ERCC1: variants seen among roughly 807,000 people sequenced by gnomAD.
ERCC1 encodes ERCC excision repair 1, endonuclease non-catalytic subunit.
Under a neutral mutation model 37.6 loss-of-function variants are expected in ERCC1, and 36 were observed. The observed-to-expected ratio is 0.96, with a 90% CI of 0.73 to 1.26. The LOEUF (loss-of-function observed/expected upper bound fraction) is 1.26. Among genes scored for constraint, ERCC1 ranks in the 50% most tolerant of loss-of-function variants. The pLI is 0.00. For synonymous variants in ERCC1, 156 were observed against 162.1 expected, an observed-to-expected ratio of 0.96 and a Z score of 0.28; for missense variants, 349 against 376.5, an observed-to-expected ratio of 0.93 and a Z score of 0.60.
chr19:45,434,155 C>CAAAAAAA (rs138387403), intron 1 of ERCC1, among the ~76,000 whole-genome samples: 1 of 97,448 alleles, frequency 1.0e-5, no homozygotes, highest in Non-Finnish European at 2.1e-5. Flanking sequence ...CACACACACA[C>CAAAAAAA]AAAAAAAAAA....
At chr19:45,437,301 G>A (rs571007691) in intron 1 of ERCC1, among the ~76,000 whole-genome samples, 4 of 151,938 alleles carry the variant, frequency 2.6e-5, no homozygotes, top group Admixed American at 6.6e-5. Context: ...TATATAATAA[G>A]TAAAAATAAA....
At chr19:45,447,694 GC>G (rs1568603229) in intron 1 of ERCC1, among the ~76,000 whole-genome samples, 1 of 152,020 alleles carries the variant, frequency 6.6e-6, no homozygotes, top group South Asian at 2.1e-4. Context: ...TCCTCTAACT[GC>G]CGCAGAATGA....
chr19:45,423,148 T>C, intron 2 of ERCC1, 122 bp downstream of exon 2: 1 of 926,278 alleles, frequency 1.1e-6, no homozygotes, highest in South Asian at 1.5e-5. Flanking sequence ...AAGGACTGTT[T>C]CCCCAAGTCG....
At chr19:45,445,911 A>G (rs1966926469) in intron 1 of ERCC1, among the ~76,000 whole-genome samples, 1 of 152,112 alleles carries the variant, frequency 6.6e-6, no homozygotes, top group African/African-American at 2.4e-5. Context: ...ATTTTGAGAC[A>G]GAGTTTCTTT....
At chr19:45,447,005 A>T (rs573883592) in intron 1 of ERCC1, among the ~76,000 whole-genome samples, 3 of 152,154 alleles carry the variant, frequency 2.0e-5, no homozygotes, top group East Asian at 3.9e-4. Flanking sequence ...CTAAAAAAAA[A>T]GAAAAGAAAA....
intron 1 of ERCC1, among the ~76,000 whole-genome samples, chr19:45,446,015 A>G (rs1966930260): frequency 6.6e-6 from 1 of 151,844 alleles, no homozygotes; most frequent in African/African-American, 2.4e-5. Context: ...CAGCCTCCCA[A>G]GTAGCTAGGA....
chr19:45,434,420 A>G (rs527948652), intron 1 of ERCC1, among the ~76,000 whole-genome samples: 2 of 151,860 alleles, frequency 1.3e-5, no homozygotes, highest in African/African-American at 4.8e-5. Context: ...GAGCCCAAAA[A>G]TGTCAAGGCT....
At chr19:45,410,051 T>C (rs12983892) in intron 9 of ERCC1, 28,957 of 152,364 alleles carry the variant, frequency 0.19, 2,944 homozygotes, top group Non-Finnish European at 0.22. Flanking sequence ...GCCCAGCTAA[T>C]TTTTTGTATT....
At chr19:45,441,282 G>A (rs1975113178) in intron 1 of ERCC1, among the ~76,000 whole-genome samples, 1 of 152,230 alleles carries the variant, frequency 6.6e-6, no homozygotes, top group Non-Finnish European at 1.5e-5. Context: ...ACTTCCCTGA[G>A]GGTGACAGAG....
chr19:45,413,259 T>C (rs1169201659), intron 9 of ERCC1, among the ~76,000 whole-genome samples: 4 of 152,164 alleles, frequency 2.6e-5, no homozygotes, highest in Admixed American at 2.6e-4. Flanking sequence ...TCTAGTTTCA[T>C]TCTTCCTCAT....
intron 9 of ERCC1, among the ~76,000 whole-genome samples, chr19:45,411,051 T>G (rs1181490970): frequency 6.6e-6 from 1 of 152,182 alleles, no homozygotes; most frequent in Admixed American, 6.5e-5. Flanking sequence ...CTTGAACTTC[T>G]GGCCTCAAGT....
chr19:45,410,118 ACCT>A (rs1236262026), intron 9 of ERCC1: 4 of 154,152 alleles, frequency 2.6e-5, no homozygotes, highest in Admixed American at 6.6e-5. Context: ...CGATCTCCTG[ACCT>A]CCTGATGCGC....
At chr19:45,424,727 C>G (rs3212926), upstream of ERCC1, among the ~76,000 whole-genome samples, 9 of 151,942 alleles carry the variant, frequency 5.9e-5, no homozygotes, top group Non-Finnish European at 1.2e-4. Flanking sequence ...GATTCTGATT[C>G]TAATCCTTAG....
chr19:45,416,300 G>A (rs963214136), intron 6 of ERCC1, among the ~76,000 whole-genome samples: 1 of 152,248 alleles, frequency 6.6e-6, no homozygotes, highest in Admixed American at 6.5e-5. Flanking sequence ...TTTGACAGGA[G>A]GAAAACCAGA....
chr19:45,444,386 G>GT (rs1555792249), intron 1 of ERCC1, among the ~76,000 whole-genome samples: 9 of 143,072 alleles, frequency 6.3e-5, no homozygotes, highest in Admixed American at 5.6e-4. Flanking sequence ...TTCCCAGGCC[G>GT]CCCCCCCGCG....
intron 1 of ERCC1, 102 bp from the exon 2 acceptor site, chr19:45,423,483 A>C: frequency 6.6e-7 from 1 of 1,510,740 alleles, no homozygotes; most frequent in Non-Finnish European, 8.8e-7. Context: ...AAACTCCGAG[A>C]GCTCCATAGC....
intron 9 of ERCC1, among the ~76,000 whole-genome samples, chr19:45,412,127 G>A (rs141880275): frequency 0.015 from 2,319 of 151,760 alleles, 58 homozygotes; most frequent in African/African-American, 0.052. Context: ...CCAAAGTGTT[G>A]GGATTACAGG....
At position 45,409,521 on chromosome 19, in the gene ERCC1, G is replaced by A. The variant is rs1355076475; in HGVS notation, c.*154C>T. The A allele has an allele frequency of 6.3e-7, 1 of 1,589,946 alleles. No individual in the cohort carries two copies. The highest frequency in any genetic ancestry group is 2.3e-5 in the East Asian group (1 of 43,854). ...GTGTAGTCTGCCCCCGGGAAACTGA[G>A]GAACTAAAGAAAGCTGAAGGTGCCC... On this transcript the variant is annotated 3_prime_UTR_variant, in exon 10 of 10. Coordinates refer to ENST00000300853, the MANE Select transcript of ERCC1 (RefSeq NM_001983.4).
intron 1 of ERCC1, 135 bp from the exon 2 acceptor site, chr19:45,423,516 C>G: frequency 6.8e-7 from 1 of 1,471,716 alleles, no homozygotes; most frequent in Non-Finnish European, 9.0e-7. Flanking sequence ...ACACCCAGCG[C>G]TAGAGGCTCT....
Sources: gnomAD v4.1 joint callset for allele counts (sites outside exome capture counted in the v4.1 genomes callset) on GRCh38, gnomAD v4.1.1 for gene constraint, MANE v1.5 for transcripts, NCBI Gene and HGNC (gene_info 2026-07-23, HGNC 2026-07-21) for gene names.